The following FGF14 variants were observed in gnomAD, a reference collection of about 807,000 sequenced individuals.
FGF14 encodes fibroblast growth factor homologous factor 4.
A neutral mutation model predicts 25.5 loss-of-function variants in FGF14; 5 were observed. The ratio of observed to expected loss-of-function variants is 0.20; its 90% CI spans 0.10 to 0.41. FGF14 has a LOEUF of 0.41. Among genes scored for constraint, FGF14 ranks in the 10% least tolerant of loss-of-function variants. The pLI, the probability that FGF14 is intolerant of heterozygous loss-of-function variation, is 1.00. For missense variants in FGF14, 222 were observed against 320.1 expected, an observed-to-expected ratio of 0.69 and a Z score of 2.34; for synonymous variants, 138 against 118.3, an observed-to-expected ratio of 1.17 and a Z score of -1.08.
intron 1 of FGF14, among the ~76,000 whole-genome samples, chr13:102,118,610 T>G (rs527894398): frequency 1.8e-4 from 28 of 152,236 alleles, no homozygotes; most frequent in Non-Finnish European, 3.8e-4. Flanking sequence ...AACTCATGAA[T>G]GAACTTATGG....
At chr13:102,091,207 G>A (rs1404546445) in intron 1 of FGF14, among the ~76,000 whole-genome samples, 1 of 152,172 alleles carries the variant, frequency 6.6e-6, no homozygotes, top group Middle Eastern at 3.2e-3. Context: ...ATAGCCAAAT[G>A]TGCCAGTTAT....
Position 101,963,416 on chromosome 13 carries a change from G to A in FGF14, c.209-88120C>T, listed in dbSNP as rs948534544. Among the ~76,000 whole-genome samples the A allele has an allele frequency of 2.0e-4, 31 of 151,494 alleles. 1 individual carries two copies. The highest frequency in any genetic ancestry group is 2.9e-5 in the Non-Finnish European group (2 of 67,958). On this transcript the variant is annotated intron_variant, in intron 1 of 4. Transcript: ENST00000376131. ...CTCCACCTTCTACATGCCTCCAAATGGTCCCTCTAATTCTGACATTTGTGG... is the reference window on the plus strand; with the variant it reads ...CTCCACCTTCTACATGCCTCCAAATAGTCCCTCTAATTCTGACATTTGTGG...
chr13:101,848,331 T>C (rs2043572714), intron 3 of FGF14, among the ~76,000 whole-genome samples: 1 of 152,060 alleles, frequency 6.6e-6, no homozygotes, highest in South Asian at 2.1e-4. Context: ...AGTAATCTTA[T>C]ATACCATCAG....
chr13:101,795,121 CTTGTA>C (rs1187135755), intron 3 of FGF14, among the ~76,000 whole-genome samples: 9 of 152,084 alleles, frequency 5.9e-5, no homozygotes, highest in Non-Finnish European at 1.0e-4. Context: ...CTGAAAAGCG[CTTGTA>C]TTAATTACTC....
chr13:101,805,999 T>C (rs184610490), intron 3 of FGF14, among the ~76,000 whole-genome samples: 2 of 152,100 alleles, frequency 1.3e-5, no homozygotes, highest in East Asian at 3.9e-4. Flanking sequence ...TATACATATA[T>C]TTATCAGTTT....
At chr13:101,994,149 G>A (rs2039055068) in intron 1 of FGF14, among the ~76,000 whole-genome samples, 1 of 151,948 alleles carries the variant, frequency 6.6e-6, no homozygotes. Context: ...CAGTGTGTAT[G>A]TACATGTGTT....
intron 1 of FGF14, among the ~76,000 whole-genome samples, chr13:102,289,694 C>G (rs1335933671): frequency 1.3e-5 from 2 of 152,194 alleles, no homozygotes; most frequent in Non-Finnish European, 2.9e-5. Flanking sequence ...ATTAGACTTT[C>G]AGACCCATAA....
chr13:102,389,747 G>A (rs11069485), intron 1 of FGF14, among the ~76,000 whole-genome samples: 22,289 of 152,154 alleles, frequency 0.15, 1,764 homozygotes, highest in Non-Finnish European at 0.19. Context: ...ACACAAATCC[G>A]CTGTGAGCAA....
chr13:102,038,679 C>A lies in FGF14; in HGVS notation c.209-163383G>T, dbSNP rs202091798. Among the ~76,000 whole-genome samples, 44 of 152,082 alleles carry A rather than the reference C, an allele frequency of 2.9e-4. No homozygotes were observed. In the East Asian group the frequency reaches 5.8e-3, roughly 20 times the overall value. On this transcript the variant is annotated intron_variant, in intron 1 of 4. Transcript: ENST00000376131. ...GCTATATGCATTGGATTTCTACCCC[C>A]CACTGTGAGACAGTCAGATCCATTT...
At chr13:102,216,501 G>A (rs559600152) in intron 1 of FGF14, among the ~76,000 whole-genome samples, 1 of 152,246 alleles carries the variant, frequency 6.6e-6, no homozygotes, top group East Asian at 1.9e-4. Flanking sequence ...AATAGTAAAA[G>A]CAAAATTGAA....
At chr13:101,883,585 G>T (rs1386595484) in intron 1 of FGF14, among the ~76,000 whole-genome samples, 1 of 151,756 alleles carries the variant, frequency 6.6e-6, no homozygotes, top group Non-Finnish European at 1.5e-5. Context: ...AAACAATGAG[G>T]CTGTATAAAC....
In FGF14 at chr13:102,069,492, C is replaced by T. The variant is rs180907563; in HGVS notation, c.209-194196G>A. ...TCGCTCTTTGCAATAAATCTTGCTA[C>T]TGCTCACTCTTTGGGTCCACGCTGC... On this transcript the variant is annotated intron_variant, in intron 1 of 4. Transcript: ENST00000376131. Among the ~76,000 whole-genome samples, 3 of 152,292 alleles carry T rather than the reference C, an allele frequency of 2.0e-5. 1 individual carries two copies. Among genetic ancestry groups the T allele is most frequent in the Admixed American group, 1.3e-4 (2 of 15,302 alleles).
intron 1 of FGF14, among the ~76,000 whole-genome samples, chr13:102,121,923 C>T (rs747549490): frequency 2.6e-5 from 4 of 152,116 alleles, no homozygotes; most frequent in East Asian, 1.9e-4. Flanking sequence ...CCTAAGAAAA[C>T]GGCTTTCTGC....
upstream of FGF14, among the ~76,000 whole-genome samples, chr13:101,920,774 C>G (rs2033945201): frequency 6.6e-6 from 1 of 152,146 alleles, no homozygotes; most frequent in African/African-American, 2.4e-5. Context: ...CAAGTTCAAA[C>G]CTTAGTTATT....
chr13:102,280,891 A>G (rs143605771), intron 1 of FGF14, among the ~76,000 whole-genome samples: 15 of 152,256 alleles, frequency 9.9e-5, no homozygotes, highest in African/African-American at 3.6e-4. Flanking sequence ...TAAAGTTGAG[A>G]GTTTGGGTCA....
intron 1 of FGF14, among the ~76,000 whole-genome samples, chr13:101,968,964 T>C (rs1215167448): frequency 2.0e-5 from 3 of 151,866 alleles, no homozygotes; most frequent in African/African-American, 7.3e-5. Context: ...CCAGGTCACT[T>C]TCCATCCACA....
At chr13:102,008,685 A>G (rs1364568249) in intron 1 of FGF14, among the ~76,000 whole-genome samples, 2 of 152,168 alleles carry the variant, frequency 1.3e-5, no homozygotes, top group African/African-American at 4.8e-5. Context: ...CTACAAAAAT[A>G]TGAATATGGA....
At chr13:102,062,822 A>G (rs1437536646) in intron 1 of FGF14, among the ~76,000 whole-genome samples, 1 of 152,200 alleles carries the variant, frequency 6.6e-6, no homozygotes, top group Non-Finnish European at 1.5e-5. Flanking sequence ...GTTCAGCAAT[A>G]CTAAAAAAGT....
intron 3 of FGF14, among the ~76,000 whole-genome samples, chr13:101,837,901 C>T (rs533347860): frequency 8.6e-5 from 13 of 152,012 alleles, no homozygotes; most frequent in Middle Eastern, 6.8e-3. Context: ...TCTGGGTGGG[C>T]ACTATCTAAT....
Sources: allele counts gnomAD v4.1 joint callset (sites outside exome capture counted in the v4.1 genomes callset), GRCh38; gene constraint gnomAD v4.1.1; transcripts MANE v1.5; gene names NCBI Gene and HGNC (gene_info 2026-07-23, HGNC 2026-07-21).